Variants in HECW1 observed in about 807,000 individuals in gnomAD.
The protein encoded by HECW1 is E3 ubiquitin-protein ligase HECW1.
A neutral mutation model predicts 182.3 loss-of-function variants in HECW1; 61 were observed. The ratio of observed to expected loss-of-function variants is 0.33; its 90% CI spans 0.27 to 0.41. HECW1 has a LOEUF of 0.41. Among genes scored for constraint, HECW1 ranks in the 10% least tolerant of loss-of-function variants. The probability of loss-of-function intolerance (pLI) is 1.00; values close to 1 mark genes in which losing one functional copy is unlikely to be tolerated. For synonymous variants in HECW1, 859 were observed against 832.6 expected (o/e 1.03, Z -0.55); for missense variants, 1,739 against 2,108.9 (o/e 0.82, Z 3.44).
At chr7:43,381,553 A>G (rs1416535613) in intron 6 of HECW1, among the ~76,000 whole-genome samples, 1 of 148,014 alleles carries the variant, frequency 6.8e-6, no homozygotes, top group Non-Finnish European at 1.5e-5. Flanking sequence ...CAGTGGTGCG[A>G]TATCCGCTCA....
rs116072623 is a variant in HECW1, at chr7:43,556,027, C to T, written c.4709+1237C>T. On this transcript the variant is annotated intron_variant, in intron 29 of 29. Transcript: ENST00000395891. ...TTGAGGAGGGGCTGAGCTACAACCACACACCTGCCCGTGGGAACCTGCAAT... is the reference window on the plus strand; with the variant it reads ...TTGAGGAGGGGCTGAGCTACAACCATACACCTGCCCGTGGGAACCTGCAAT... Among the ~76,000 whole-genome samples the T allele has an allele frequency of 2.9e-3, 442 of 152,328 alleles. 1 individual carries two copies. Among genetic ancestry groups the T allele is most frequent in the African/African-American group, 9.9e-3 (413 of 41,570 alleles).
intron 5 of HECW1, among the ~76,000 whole-genome samples, chr7:43,330,417 G>A (rs577740232): frequency 2.6e-5 from 4 of 152,314 alleles, no homozygotes; most frequent in South Asian, 2.1e-4. Context: ...TGTGAGATCC[G>A]CAGGAGAACT....
chr7:43,323,554 C>G (rs1050393229), intron 5 of HECW1, among the ~76,000 whole-genome samples: 1 of 152,148 alleles, frequency 6.6e-6, no homozygotes, highest in Admixed American at 6.5e-5. Flanking sequence ...CCACTAAACT[C>G]TAGCCTGGCC....
At chr7:43,250,674 T>TA (rs935377566) in intron 3 of HECW1, among the ~76,000 whole-genome samples, 3 of 152,150 alleles carry the variant, frequency 2.0e-5, no homozygotes, top group Admixed American at 6.5e-5. Context: ...TGAACTTGCG[T>TA]AAAAAAATAG....
At chr7:43,550,375 A>G in intron 26 of HECW1, 70 bp from the exon 27 acceptor site, 1 of 1,567,214 alleles carries the variant, frequency 6.4e-7, no homozygotes, top group Non-Finnish European at 8.8e-7. Context: ...TCATCCCCCT[A>G]AAATCAGTGT....
chr7:43,523,983 A>T (rs2080646888), intron 24 of HECW1, among the ~76,000 whole-genome samples: 1 of 151,586 alleles, frequency 6.6e-6, no homozygotes, highest in South Asian at 2.1e-4. Flanking sequence ...TTCACTTTTG[A>T]CCTTCAGACT....
chr7:43,182,639 C>A (rs1171940864), intron 2 of HECW1, among the ~76,000 whole-genome samples: 2 of 152,048 alleles, frequency 1.3e-5, no homozygotes, highest in Non-Finnish European at 2.9e-5. Flanking sequence ...CTATTTGAGG[C>A]CTTTTGTGGT....
rs2077022092 is a variant in HECW1, at chr7:43,445,425, C to T, written c.2253C>T (p.Asp751=). The T allele has an allele frequency of 6.2e-7, 1 of 1,613,430 alleles. No individual in the cohort carries two copies. The highest frequency in any genetic ancestry group is 2.2e-5 in the East Asian group (1 of 44,874). ...ACAGCGCGTTCGAGTCGGTACCCGA[C>T]TCCATGCAGAGCCCTGAGCTGGACC... is the stretch of plus-strand genomic sequence containing the variant. The part of the protein sequence containing the change: ...EENSAFESVP[D]SMQSPELDPE... Residue 751 remains aspartate (D), a synonymous_variant, in exon 11 of 30, where the codon GAC becomes GAT. Transcript: ENST00000395891.
At chr7:43,349,748 T>G (rs2152805344) in intron 5 of HECW1, among the ~76,000 whole-genome samples, 1 of 152,288 alleles carries the variant, frequency 6.6e-6, no homozygotes, top group African/African-American at 2.4e-5. Context: ...AGTCCTTATG[T>G]GTTAGTTGAG....
At chr7:43,416,441 A>G (rs1584829738) in intron 8 of HECW1, among the ~76,000 whole-genome samples, 1 of 151,316 alleles carries the variant, frequency 6.6e-6, no homozygotes, top group Non-Finnish European at 1.5e-5. Flanking sequence ...AAGCTGTCAG[A>G]CAGGGACATT....
rs1268204825 is a variant in HECW1 at position 43,450,815 on chromosome 7, A to G, written c.2399-13A>G. On this transcript the variant is annotated splice_polypyrimidine_tract_variant and intron_variant, in intron 11 of 29. Transcript: ENST00000395891. ...GTGAATGAATCTGAATGTATTGACT[A>G]TCTTGTCCGTAGGTGAATGTCCTAT... is the stretch of plus-strand genomic sequence containing the variant. The G allele has an allele frequency of 1.9e-6, 3 of 1,539,412 alleles. No homozygotes were observed. Among genetic ancestry groups the G allele is most frequent in the Admixed American group, 3.3e-5 (2 of 59,930 alleles).
rs753563877 is a variant in HECW1, at chr7:43,360,949, C to G, written c.524C>G (p.Pro175Arg). The G allele has an allele frequency of 1.2e-6, 2 of 1,613,310 alleles. No individual in the cohort carries two copies. Among genetic ancestry groups the G allele is most frequent in the Admixed American group, 3.3e-5 (2 of 59,914 alleles). The part of the protein sequence containing the change: ...GVSGALRATT[P>R]SVTVKNSAAP... ...AGTGGGGCCCTGCGAGCAACCACCCCCAGTGTCACGGTCAAAAACTCGGCA... is the reference window on the plus strand; with the variant it reads ...AGTGGGGCCCTGCGAGCAACCACCCGCAGTGTCACGGTCAAAAACTCGGCA... The change falls in exon 6 of 30, where the codon CCC becomes CGC. Residue 175 changes from proline to arginine, a missense_variant. By Grantham distance (103) the Pro-to-Arg change is moderately radical (BLOSUM62 -2). Coordinates refer to ENST00000395891, the MANE Select transcript of HECW1 (RefSeq NM_015052.5).
intron 2 of HECW1, among the ~76,000 whole-genome samples, chr7:43,208,124 A>G (rs1211648337): frequency 6.6e-6 from 1 of 151,778 alleles, no homozygotes; most frequent in African/African-American, 2.4e-5. Flanking sequence ...GGACATTTTC[A>G]TTTCTCTTCC....
rs191582523 is a variant in HECW1 at position 43,360,780 on chromosome 7, C to T, written c.461-106C>T. The T allele has an allele frequency of 3.1e-3, 2,550 of 820,660 alleles. 50 individuals are homozygous for T. Among genetic ancestry groups the T allele is most frequent in the Non-Finnish European group, 2.9e-4 (140 of 479,728 alleles). The allele number at this position is 820,660 out of a possible 1,614,324, so 50.8% of individuals were successfully genotyped here. ...ATTGTCGAGTGTGGCCTGGCTTGCT[C>T]GTGGGGGAATTATGTTGCAGTTCTT... On this transcript the variant is annotated intron_variant, in intron 5 of 29. Coordinates refer to ENST00000395891, the MANE Select transcript of HECW1 (RefSeq NM_015052.5).
intron 6 of HECW1, among the ~76,000 whole-genome samples, chr7:43,386,103 G>T (rs992391725): frequency 6.6e-6 from 1 of 152,178 alleles, no homozygotes; most frequent in African/African-American, 2.4e-5. Flanking sequence ...TCCTTACCAC[G>T]TGGTCCCCTC....
In HECW1 at chr7:43,508,970, C is replaced by T; in HGVS notation, c.3868C>T (p.Leu1290=). ...CCTGGACCTCTGCTTTCTTTGCAGC[C>T]TGGACTACAGTGGCCCCTCGCGGGA... ...LYVTFVGEEG[L]DYSGPSREFF... is the part of the protein sequence containing the mutation. Residue 1290 remains leucine (L), a splice_region_variant and synonymous_variant, in exon 24 of 30, where the codon CTG becomes TTG. Coordinates refer to ENST00000395891, the MANE Select transcript of HECW1 (RefSeq NM_015052.5). The T allele has an allele frequency of 1.2e-6, 2 of 1,613,388 alleles. No homozygotes were observed. Among genetic ancestry groups the T allele is most frequent in the South Asian group, 1.1e-5 (1 of 90,996 alleles).
intron 3 of HECW1, among the ~76,000 whole-genome samples, chr7:43,307,876 CTATATATATATATATATATACACATA>C (rs1192521761): frequency 7.8e-6 from 1 of 127,604 alleles, no homozygotes; most frequent in Non-Finnish European, 1.6e-5. Context: ...AATCATTTCA[CTATATATATATATATATATACACATA>C]TATATATATA....
intron 2 of HECW1, among the ~76,000 whole-genome samples, chr7:43,185,705 A>G (rs555933861): frequency 2.6e-5 from 4 of 152,336 alleles, no homozygotes; most frequent in South Asian, 2.1e-4. Context: ...TAATAGTAGA[A>G]TTTCCATCAT....
intron 3 of HECW1, among the ~76,000 whole-genome samples, chr7:43,285,825 CTGAG>C (rs1438023836): frequency 6.6e-6 from 1 of 151,902 alleles, no homozygotes; most frequent in Non-Finnish European, 1.5e-5. Flanking sequence ...AATAAAGAAA[CTGAG>C]TGGGCAAAAT....
Sources: allele counts gnomAD v4.1 joint callset (sites outside exome capture counted in the v4.1 genomes callset), GRCh38; gene constraint gnomAD v4.1.1; transcripts MANE v1.5; gene names NCBI Gene and HGNC (gene_info 2026-07-23, HGNC 2026-07-21).